GBP5: variants seen among roughly 807,000 people sequenced by gnomAD.
GBP5 encodes the protein guanylate-binding protein 5.
A neutral mutation model predicts 58.2 loss-of-function variants in GBP5; 48 were observed. The observed-to-expected ratio is 0.83, with a 90% CI of 0.65 to 1.05. GBP5 has a LOEUF of 1.05. Ranked by LOEUF, GBP5 falls within the 50% of genes least tolerant of loss-of-function variation. The pLI is 0.00. For synonymous variants in GBP5, 248 were observed against 251.8 expected (o/e 0.98, Z 0.14); for missense variants, 714 against 686.8 (o/e 1.04, Z -0.44).
rs116215975 is a variant in GBP5 at position 89,267,246 on chromosome 1, G to A, written c.429-93C>T. The A allele has an allele frequency of 1.3e-3, 1,422 of 1,119,550 alleles. 15 individuals are homozygous for A. In the African/African-American group the frequency reaches 0.019, roughly 15 times the overall value. The allele number at this position is 1,119,550 out of a possible 1,614,324, so 69.4% of individuals were successfully genotyped here. ...CCCCCAAACCTTTATTTTCCCCTAC[G>A]AGTCTTAACCAAATCATCATTTTAT... On this transcript the variant is annotated intron_variant, in intron 5 of 11. Coordinates refer to ENST00000370459, the MANE Select transcript of GBP5 (RefSeq NM_052942.5).
At chr1:89,267,559 A>C in intron 4 of GBP5, 33 bp from the exon 5 acceptor site, 122 of 1,341,400 alleles carry the variant, frequency 9.1e-5, no homozygotes, top group Non-Finnish European at 1.2e-4. Context: ...GTCATGTCTC[A>C]TGGGATTCCC....
rs1308562123 is a variant in GBP5 at position 89,259,684 on chromosome 1, G to C, written c.*1020C>G. ...TTTCGTCCAAAAGGTCGCCCCCACC[G>C]CAAGTTCCCAGAACTTAGGTGCCAC... On this transcript the variant is annotated 3_prime_UTR_variant, in exon 12 of 12. Coordinates refer to ENST00000370459, the MANE Select transcript of GBP5 (RefSeq NM_052942.5). The C allele has an allele frequency of 2.0e-5, 3 of 150,964 alleles. No homozygotes were observed. The highest frequency in any genetic ancestry group is 2.9e-5 in the Non-Finnish European group (2 of 67,854). 9.4% of individuals were successfully genotyped at this position (150,964 alleles called of 1,614,324 possible). A position where few individuals can be genotyped will look rare whatever the true frequency, so the allele number is the denominator to read the frequency against.
intron 10 of GBP5, 87 bp from the exon 11 acceptor site, chr1:89,262,488 G>T: frequency 1.6e-6 from 2 of 1,258,724 alleles, no homozygotes; most frequent in Non-Finnish European, 2.2e-6. Context: ...CCAACTTCCT[G>T]GATAAAATTC....
At chr1:89,260,876 A>G in intron 11 of GBP5, 59 bp from the exon 12 acceptor site, 1 of 1,152,102 alleles carries the variant, frequency 8.7e-7, no homozygotes. Context: ...TAAATCACTC[A>G]CTTGTCCTTA....
rs1273057128 is a variant in GBP5, at chr1:89,269,367, C to T, written c.189G>A (p.Lys63=). 13 of 1,613,938 alleles carry T rather than the reference C, an allele frequency of 8.1e-6. No individual in the cohort carries two copies. The highest frequency in any genetic ancestry group is 1.0e-5 in the Non-Finnish European group (12 of 1,179,880). The change falls in exon 3 of 12, where the codon AAG becomes AAA. Residue 63 remains lysine (K), a splice_region_variant and synonymous_variant. Coordinates refer to ENST00000370459, the MANE Select transcript of GBP5 (RefSeq NM_052942.5). ...CAGAGCTTTGCTGGTACCACTCACC[C>T]TTGTTCTTCCCAGCCAGCTTGTTCA... is the stretch of plus-strand genomic sequence containing the variant. ...YLMNKLAGKN[K]GFSVASTVQS...
Position 89,260,665 on chromosome 1 carries a change from G to T in GBP5, c.*39C>A. 1 of 1,217,782 alleles carries T rather than the reference G, an allele frequency of 8.2e-7. No individual in the cohort carries two copies. Among genetic ancestry groups the T allele is most frequent in the Non-Finnish European group, 1.2e-6 (1 of 821,970 alleles). The allele number at this position is 1,217,782 out of a possible 1,614,324, so 75.4% of individuals were successfully genotyped here. On this transcript the variant is annotated 3_prime_UTR_variant, in exon 12 of 12. Transcript: ENST00000370459. ...GTTTCTTTTCTGTTGTGTCATCAGTGACAAAGAGTAAAAAAAGGAAACTCC... is the reference window on the plus strand; with the variant it reads ...GTTTCTTTTCTGTTGTGTCATCAGTTACAAAGAGTAAAAAAAGGAAACTCC...
intron 3 of GBP5, 127 bp downstream of exon 3, chr1:89,269,239 G>A: frequency 1.1e-6 from 1 of 907,554 alleles, no homozygotes; most frequent in East Asian, 2.5e-5. Context: ...AAAAAGACCA[G>A]CTGTAGCCTA....
Position 89,260,785 on chromosome 1 carries a change from T to C in GBP5, c.1680A>G (p.Gln560=), listed in dbSNP as rs375403385. ...EQAAQLSTTF[Q]AQNRSLLSEL... Reference sequence around the variant, plus strand: ...CACTGAGAAGGCTTCTATTTTGAGCTTGGAATGTTGTGCTGAGCTGTGCAG... The same window carrying C: ...CACTGAGAAGGCTTCTATTTTGAGCCTGGAATGTTGTGCTGAGCTGTGCAG... The change falls in exon 12 of 12, where the codon CAA becomes CAG. Residue 560 remains glutamine (Q), a synonymous_variant. Transcript: ENST00000370459. 1.5e-5 allele frequency: 25 copies of C among 1,614,006 alleles called. No homozygotes were observed. Among genetic ancestry groups the C allele is most frequent in the Non-Finnish European group, 1.8e-5 (21 of 1,179,984 alleles).
chr1:89,270,715 C>A (rs1032145384), intron 2 of GBP5, 40 bp downstream of exon 2: 4 of 152,188 alleles, frequency 2.6e-5, no homozygotes, highest in African/African-American at 9.7e-5. Flanking sequence ...AATGGCAGGT[C>A]TCTTCTCATT....
In GBP5 at chr1:89,258,017, A is replaced by G. The variant is rs1229880592; in HGVS notation, c.*2687T>C. Among the ~76,000 whole-genome samples the G allele has an allele frequency of 6.6e-6, 1 of 152,226 alleles. No individual in the cohort carries two copies. The highest frequency in any genetic ancestry group is 1.5e-5 in the Non-Finnish European group (1 of 68,044). On this transcript the variant is annotated 3_prime_UTR_variant, in exon 12 of 12. Transcript: ENST00000370459. ...GAAAGTCAGAAAATATAAGCTACTT[A>G]CTGGTAGTTTCAAGAAATCATCAAT... is the stretch of plus-strand genomic sequence containing the variant.
At chr1:89,265,284 G>A (rs1468169721) in intron 7 of GBP5, among the ~76,000 whole-genome samples, 1 of 152,060 alleles carries the variant, frequency 6.6e-6, no homozygotes, top group Non-Finnish European at 1.5e-5. Flanking sequence ...ATATTCATTT[G>A]ACTACAATGC....
intron 7 of GBP5, 111 bp downstream of exon 7, chr1:89,266,235 G>A: frequency 1.1e-6 from 1 of 874,168 alleles, no homozygotes. Context: ...GATTTTCACA[G>A]TAGCAATTGC....
chr1:89,264,842 G>A lies in GBP5; in HGVS notation c.993C>T (p.Ala331=), dbSNP rs1432777074. 6.2e-7 allele frequency: 1 copy of A among 1,614,182 alleles called. No individual in the cohort carries two copies. Among genetic ancestry groups the A allele is most frequent in the East Asian group, 2.2e-5 (1 of 44,886 alleles). The part of the protein sequence containing the change: ...ENSAAVQKAI[A]HYDQQMGQKV... ...TCTGGCCCATTTGCTGGTCATAGTGGGCAATGGCCTTTTGCACTGCAGCTG... is the reference window on the plus strand; with the variant it reads ...TCTGGCCCATTTGCTGGTCATAGTGAGCAATGGCCTTTTGCACTGCAGCTG... The change falls in exon 8 of 12, where the codon GCC becomes GCT. Residue 331 remains alanine (A), a synonymous_variant. Transcript: ENST00000370459.
chr1:89,264,996 T>C lies in GBP5; in HGVS notation c.869-30A>G, dbSNP rs546751951. ...ATGGAAGAAAGAAACATTTATATTA[T>C]TTGCAAAGGAAGAAGACATGATTGA... On this transcript the variant is annotated intron_variant, in intron 7 of 11. Coordinates refer to ENST00000370459, the MANE Select transcript of GBP5 (RefSeq NM_052942.5). 3.5e-5 allele frequency: 56 copies of C among 1,583,336 alleles called. No individual in the cohort carries two copies. The South Asian group carries it at 5.5e-4, about 16-fold the overall frequency.
intron 2 of GBP5, 81 bp from the exon 3 acceptor site, chr1:89,269,655 TG>T: frequency 1.1e-6 from 1 of 927,260 alleles, no homozygotes; most frequent in Non-Finnish European, 1.7e-6. Context: ...TTACTGAACC[TG>T]GGGACATACT....
rs961286105 is a variant in GBP5, at chr1:89,263,822, A to T, written c.1276T>A (p.Ser426Thr). 1 of 1,613,724 alleles carries T rather than the reference A, an allele frequency of 6.2e-7. No homozygotes were observed. The highest frequency in any genetic ancestry group is 8.5e-7 in the Non-Finnish European group (1 of 1,179,872). Residue 426 changes from serine (S) to threonine (T), a missense_variant, in exon 9 of 12, where the codon TCT becomes ACT. Physicochemically the swap from Ser to Thr is moderately conservative, Grantham distance 58. Transcript: ENST00000370459. ...AAGAGATTATGGCCTCCTGGCTTAG[A>T]ATAAATTCCCTGCTTCACTGCTTCT... ...LEEAVKQGIY[S>T]KPGGHNLFIQ...
rs575082350 is a variant in GBP5, at chr1:89,267,062, G to A, written c.520C>T (p.Pro174Ser). Residue 174 changes from proline to serine, a missense_variant, in exon 6 of 12, where the codon CCA (proline) becomes TCA (serine). Pro to Ser is a moderately conservative substitution (Grantham distance 74). Coordinates refer to ENST00000370459, the MANE Select transcript of GBP5 (RefSeq NM_052942.5). ...TCTCTCAGAGTCCACACTAAGTCTG[G>A]GAAGAAGCTCGCAGAGTCAGCAGGA... Reference protein sequence around the residue: ...EDPADSASFFPDLVWTLRDFC... With the variant: ...EDPADSASFFSDLVWTLRDFC... 5.0e-6 allele frequency: 8 copies of A among 1,613,316 alleles called. No homozygotes were observed. Among genetic ancestry groups the A allele is most frequent in the Non-Finnish European group, 6.8e-6 (8 of 1,179,848 alleles).
At chr1:89,271,665 T>C (rs1363502371) in intron 1 of GBP5, 1 of 152,238 alleles carries the variant, frequency 6.6e-6, no homozygotes, top group Non-Finnish European at 1.5e-5. Flanking sequence ...AGGAAAAGGC[T>C]CTTATTAAGG....
chr1:89,265,042 T>C (rs769556758), intron 7 of GBP5, 76 bp from the exon 8 acceptor site: 9 of 1,342,604 alleles, frequency 6.7e-6, no homozygotes, highest in East Asian at 2.3e-5. Context: ...TCTGAGAACG[T>C]ACATTTAATA....
Sources: allele counts gnomAD v4.1 joint callset (sites outside exome capture counted in the v4.1 genomes callset), GRCh38; gene constraint gnomAD v4.1.1; transcripts MANE v1.5; gene names NCBI Gene and HGNC (gene_info 2026-07-23, HGNC 2026-07-21).